CFAP58: variants seen among roughly 807,000 people sequenced by gnomAD.
CFAP58 encodes the protein cilia- and flagella-associated protein 58.
A neutral mutation model predicts 119.5 loss-of-function variants in CFAP58; 88 were observed. The observed-to-expected ratio is 0.74, with a 90% confidence interval of 0.62 to 0.88. CFAP58 has a LOEUF of 0.88. CFAP58 is among the 40% of genes least tolerant of loss of function. CFAP58 has a pLI of 0.00. For missense variants in CFAP58, 990 were observed against 1,021.2 expected (o/e 0.97, Z 0.42); for synonymous variants, 365 against 366.3 (o/e 1.00, Z 0.04).
intron 9 of CFAP58, 53 bp downstream of exon 9, chr10:104,380,273 C>A: frequency 6.9e-7 from 1 of 1,445,896 alleles, no homozygotes; most frequent in Non-Finnish European, 9.6e-7. Context: ...CCTTCCTCCG[C>A]ATTTCTGATG....
chr10:104,421,512 G>A (rs2012657678), intron 15 of CFAP58, among the ~76,000 whole-genome samples: 1 of 152,184 alleles, frequency 6.6e-6, no homozygotes, highest in Admixed American at 6.5e-5. Flanking sequence ...ATCTTTGACT[G>A]GGTGGGTAAA....
chr10:104,338,764 G>C, the CFAP58 span, among the ~76,000 whole-genome samples: 1 of 152,224 alleles, frequency 6.6e-6, no homozygotes, highest in African/African-American at 2.4e-5. Context: ...TTACCAGTCG[G>C]GGAGAGTTTT....
In CFAP58 at chr10:104,445,331, A is replaced by G. The variant is rs986255411; in HGVS notation, c.2257-2367A>G. On this transcript the variant is annotated intron_variant, in intron 15 of 17. Transcript: ENST00000369704. ...GAGTGAGACCCGGTCTCAAAAAAAA[A>G]AAAAACAACAACAACAACAAAAAAC... Among the ~76,000 whole-genome samples the G allele has an allele frequency of 2.6e-5, 4 of 151,904 alleles. No individual in the cohort carries two copies. In the East Asian group the frequency reaches 7.7e-4, roughly 29 times the overall value.
intron 15 of CFAP58, among the ~76,000 whole-genome samples, chr10:104,419,575 T>A (rs1224935153): frequency 6.1e-4 from 92 of 152,020 alleles, no homozygotes; most frequent in African/African-American, 2.1e-3. Flanking sequence ...TTTTTTTTTT[T>A]ACTTTTGAAA....
intron 15 of CFAP58, among the ~76,000 whole-genome samples, chr10:104,431,824 T>C (rs2012852259): frequency 6.6e-6 from 1 of 152,222 alleles, no homozygotes; most frequent in Non-Finnish European, 1.5e-5. Flanking sequence ...TTTATATACA[T>C]GGTATTATAC....
rs117545849 is a variant in CFAP58 at position 104,383,883 on chromosome 10, T to C, written c.1365+3663T>C. ...GGAAGATGTCATGAAACTGACATTTTCTTCTACTTCTAAAGTGAGTATACA... is the reference window on the plus strand; with the variant it reads ...GGAAGATGTCATGAAACTGACATTTCCTTCTACTTCTAAAGTGAGTATACA... On this transcript the variant is annotated intron_variant, in intron 9 of 17. Coordinates refer to ENST00000369704, the MANE Select transcript of CFAP58 (RefSeq NM_001008723.2). 2.2e-4 allele frequency among the ~76,000 whole-genome samples: 34 copies of C among 152,328 alleles called. No individual in the cohort carries two copies. In the East Asian group the frequency reaches 6.0e-3, roughly 27 times the overall value.
chr10:104,415,069 A>G (rs939464354), intron 15 of CFAP58, among the ~76,000 whole-genome samples: 8 of 152,172 alleles, frequency 5.3e-5, no homozygotes, highest in Non-Finnish European at 1.2e-4. Flanking sequence ...CCAGCCTTGA[A>G]GGACCTCTTA....
rs949647667 is a variant in CFAP58, at chr10:104,392,050, G to A, written c.1366-183G>A. On this transcript the variant is annotated intron_variant, in intron 9 of 17. Transcript: ENST00000369704. Reference sequence around the variant, plus strand: ...CAGAACTCTAGTATAGATAAAATGTGTATTTGCCCCTAATCAGTTGGGCTG... The same window carrying A: ...CAGAACTCTAGTATAGATAAAATGTATATTTGCCCCTAATCAGTTGGGCTG... 9.2e-5 allele frequency among the ~76,000 whole-genome samples: 14 copies of A among 152,118 alleles called. 1 individual carries two copies. Among genetic ancestry groups the A allele is most frequent in the African/African-American group, 3.1e-4 (13 of 41,410 alleles).
chr10:104,357,285 G>A (rs2014555395), intron 1 of CFAP58, among the ~76,000 whole-genome samples: 1 of 152,202 alleles, frequency 6.6e-6, no homozygotes, highest in South Asian at 2.1e-4. Context: ...ACCATGGAAA[G>A]CAAATGTGGA....
intron 15 of CFAP58, among the ~76,000 whole-genome samples, chr10:104,439,704 TAACAAC>T (rs60040374): frequency 7.9e-5 from 12 of 151,294 alleles, no homozygotes; most frequent in East Asian, 2.0e-4. Flanking sequence ...GACTCTGTCT[TAACAAC>T]AACAACAACA....
intron 15 of CFAP58, among the ~76,000 whole-genome samples, chr10:104,430,350 C>T (rs1334467618): frequency 6.6e-6 from 1 of 152,186 alleles, no homozygotes; most frequent in African/African-American, 2.4e-5. Flanking sequence ...ATCACACAGG[C>T]TGATCCAGTG....
At chr10:104,414,682 T>A (rs1368651166) in intron 15 of CFAP58, among the ~76,000 whole-genome samples, 2 of 152,132 alleles carry the variant, frequency 1.3e-5, no homozygotes, top group African/African-American at 4.8e-5. Context: ...TTATTTTTAT[T>A]TTTTTGAGAC....
intron 15 of CFAP58, among the ~76,000 whole-genome samples, chr10:104,442,355 TAAG>T (rs1212133956): frequency 2.6e-5 from 4 of 152,054 alleles, no homozygotes; most frequent in Non-Finnish European, 5.9e-5. Flanking sequence ...TTTGGGAGGC[TAAG>T]GAGGGCAGAT....
intron 7 of CFAP58, among the ~76,000 whole-genome samples, chr10:104,375,601 G>A (rs1589913734): frequency 6.6e-6 from 1 of 152,110 alleles, no homozygotes; most frequent in East Asian, 1.9e-4. Flanking sequence ...TAATTCTGAG[G>A]CACATGTGAC....
At chr10:104,388,259 G>A (rs2011964355) in intron 9 of CFAP58, among the ~76,000 whole-genome samples, 1 of 152,176 alleles carries the variant, frequency 6.6e-6, no homozygotes, top group Admixed American at 6.6e-5. Context: ...CTAGTATTAT[G>A]TAACGTGACG....
chr10:104,431,837 A>C (rs2012852392), intron 15 of CFAP58, among the ~76,000 whole-genome samples: 1 of 152,184 alleles, frequency 6.6e-6, no homozygotes, highest in Non-Finnish European at 1.5e-5. Context: ...TATTATACTG[A>C]ATGCATTATT....
intron 3 of CFAP58, among the ~76,000 whole-genome samples, chr10:104,362,725 G>C (rs1478232757): frequency 6.6e-6 from 1 of 152,152 alleles, no homozygotes; most frequent in Admixed American, 6.5e-5. Flanking sequence ...GTCCTAACTG[G>C]TCTCCCTGCC....
intron 15 of CFAP58, 70 bp from the exon 16 acceptor site, chr10:104,447,628 T>C (rs1424605090): frequency 1.3e-6 from 2 of 1,582,390 alleles, no homozygotes; most frequent in African/African-American, 1.3e-5. Context: ...GTGCTGGCCA[T>C]GCAGTGAAAG....
chr10:104,414,911 T>G (rs575257892), intron 15 of CFAP58, among the ~76,000 whole-genome samples: 1 of 152,230 alleles, frequency 6.6e-6, no homozygotes, highest in African/African-American at 2.4e-5. Context: ...ACAGAAAAGG[T>G]CTTCTCTGAA....
Sources: gnomAD v4.1 joint callset for allele counts (sites outside exome capture counted in the v4.1 genomes callset) on GRCh38, gnomAD v4.1.1 for gene constraint, MANE v1.5 for transcripts, NCBI Gene and HGNC (gene_info 2026-07-23, HGNC 2026-07-21) for gene names.